Variants in ZNF385B observed in about 807,000 individuals in gnomAD.
The protein encoded by ZNF385B is zinc finger protein 533.
ZNF385B carries 23 observed loss-of-function variants against 39.2 expected under a neutral mutation model. That is an observed-to-expected ratio of 0.59 (90% CI 0.42 to 0.83). The LOEUF is 0.83. Among genes scored for constraint, ZNF385B ranks in the 40% least tolerant of loss-of-function variants. The probability of loss-of-function intolerance (pLI) is 0.00; values close to 1 mark genes in which losing one functional copy is unlikely to be tolerated. For synonymous variants in ZNF385B, 205 were observed against 222.6 expected (o/e 0.92, Z 0.70); for missense variants, 552 against 598.9 (o/e 0.92, Z 0.82).
At chr2:179,856,289 G>A (rs1684588290) in intron 1 of ZNF385B, among the ~76,000 whole-genome samples, 1 of 151,962 alleles carries the variant, frequency 6.6e-6, no homozygotes. Context: ...CACCAGACGG[G>A]GGCATACATC....
At chr2:179,677,978 C>T (rs1200019751) in intron 3 of ZNF385B, among the ~76,000 whole-genome samples, 1 of 152,096 alleles carries the variant, frequency 6.6e-6, no homozygotes, top group African/African-American at 2.4e-5. Flanking sequence ...AGAGACCTTG[C>T]AGAATTAGTC....
At chr2:179,730,849 T>C (rs537339411) in intron 3 of ZNF385B, among the ~76,000 whole-genome samples, 1 of 152,216 alleles carries the variant, frequency 6.6e-6, no homozygotes, top group East Asian at 1.9e-4. Flanking sequence ...AAATCAAAAG[T>C]ATAATTAAAT....
intron 3 of ZNF385B, among the ~76,000 whole-genome samples, chr2:179,696,406 T>A (rs1168927161): frequency 7.6e-6 from 1 of 130,808 alleles, no homozygotes; most frequent in African/African-American, 2.8e-5. Flanking sequence ...CCCAAGTGTC[T>A]GACCAACTAC....
rs559215306 is a variant in ZNF385B at position 179,752,735 on chromosome 2, G to C, written c.298+16768C>G. 2.7e-4 allele frequency among the ~76,000 whole-genome samples: 41 copies of C among 152,216 alleles called. 1 individual carries two copies. The South Asian group carries it at 8.5e-3, about 32-fold the overall frequency. On this transcript the variant is annotated intron_variant, in intron 3 of 9. Transcript: ENST00000410066. Reference sequence around the variant, plus strand: ...TCTGGCTGCATAATTGTCTTCTTTTGAGAAGTGTCTGTTCATATACTTCAC... The same window carrying C: ...TCTGGCTGCATAATTGTCTTCTTTTCAGAAGTGTCTGTTCATATACTTCAC...
intron 3 of ZNF385B, among the ~76,000 whole-genome samples, chr2:179,713,354 G>A (rs1036219558): frequency 6.6e-6 from 1 of 152,098 alleles, no homozygotes; most frequent in Admixed American, 6.6e-5. Flanking sequence ...CTCCAGCCAC[G>A]ATGGTCTTCT....
At chr2:179,777,808 C>T (rs907972587) in intron 1 of ZNF385B, among the ~76,000 whole-genome samples, 3 of 149,424 alleles carry the variant, frequency 2.0e-5, no homozygotes, top group Non-Finnish European at 3.0e-5. Flanking sequence ...ATGCTTGCTC[C>T]GCTGCCCAGG....
intron 3 of ZNF385B, among the ~76,000 whole-genome samples, chr2:179,643,333 T>A (rs1440216832): frequency 1.3e-5 from 2 of 152,138 alleles, no homozygotes; most frequent in Non-Finnish European, 2.9e-5. Flanking sequence ...ATTCTTCAAA[T>A]GATCAATGCA....
At chr2:179,559,186 G>A (rs1263674582) in intron 3 of ZNF385B, among the ~76,000 whole-genome samples, 2 of 152,178 alleles carry the variant, frequency 1.3e-5, no homozygotes, top group East Asian at 1.9e-4. Flanking sequence ...AAAACTGCAT[G>A]AGCAGGAACA....
chr2:179,612,786 G>T (rs1689399346), intron 3 of ZNF385B, among the ~76,000 whole-genome samples: 1 of 152,138 alleles, frequency 6.6e-6, no homozygotes. Context: ...TGGGCTGGCG[G>T]CAAAGCCAGC....
chr2:179,832,038 T>G (rs1327375739), intron 1 of ZNF385B, among the ~76,000 whole-genome samples: 3 of 152,240 alleles, frequency 2.0e-5, no homozygotes, highest in Admixed American at 2.0e-4. Context: ...AACATCCAGC[T>G]GTGGGTCTGA....
At chr2:179,764,821 T>A (rs1004361669) in intron 3 of ZNF385B, among the ~76,000 whole-genome samples, 2 of 152,242 alleles carry the variant, frequency 1.3e-5, no homozygotes, top group Non-Finnish European at 2.9e-5. Flanking sequence ...TCAACTTGAC[T>A]GGGTCACTGG....
intron 1 of ZNF385B, among the ~76,000 whole-genome samples, chr2:179,827,656 A>C (rs1202892559): frequency 2.6e-5 from 4 of 152,236 alleles, no homozygotes; most frequent in Admixed American, 2.6e-4. Context: ...GGTTCCTATC[A>C]TTAACTGCTC....
intron 1 of ZNF385B, among the ~76,000 whole-genome samples, chr2:179,826,311 C>T (rs1707680241): frequency 1.3e-5 from 2 of 152,112 alleles, no homozygotes; most frequent in Admixed American, 1.3e-4. Flanking sequence ...CTCTATAAAG[C>T]CACAAATAAA....
intron 1 of ZNF385B, among the ~76,000 whole-genome samples, chr2:179,823,277 A>G (rs532889810): frequency 6.6e-6 from 1 of 152,308 alleles, no homozygotes; most frequent in East Asian, 1.9e-4. Flanking sequence ...AAGCTGCAGC[A>G]CAAGTTTCAC....
chr2:179,769,446 T>A (rs1393606650), intron 3 of ZNF385B, 57 bp downstream of exon 3: 1 of 1,595,690 alleles, frequency 6.3e-7, no homozygotes, highest in Non-Finnish European at 8.5e-7. Context: ...TCCTTCATTT[T>A]CCAGACCAGG....
intron 6 of ZNF385B, among the ~76,000 whole-genome samples, chr2:179,457,670 T>C (rs896545812): frequency 9.9e-5 from 15 of 152,062 alleles, no homozygotes; most frequent in African/African-American, 3.6e-4. Context: ...TATTGGCCAA[T>C]TGTATATTTT....
chr2:179,634,008 T>G (rs1691488433), intron 3 of ZNF385B, among the ~76,000 whole-genome samples: 1 of 152,140 alleles, frequency 6.6e-6, no homozygotes. Flanking sequence ...TAGCCATATG[T>G]AGAAAGCTGA....
Position 179,537,326 on chromosome 2 carries a change from A to T in ZNF385B, c.441+7501T>A, listed in dbSNP as rs528436108. Among the ~76,000 whole-genome samples, 1,250 of 151,010 alleles carry T rather than the reference A, an allele frequency of 8.3e-3. 19 individuals carry two copies. The highest frequency in any genetic ancestry group is 0.029 in the African/African-American group (1,164 of 40,824). Reference sequence around the variant, plus strand: ...CTCAAAAAAAAAAAAATAAATAAAAAAAAAATAAAAAAGAAAAGAAAAGGA... The same window carrying T: ...CTCAAAAAAAAAAAAATAAATAAAATAAAAATAAAAAAGAAAAGAAAAGGA... On this transcript the variant is annotated intron_variant, in intron 4 of 9. Coordinates refer to ENST00000410066, the MANE Select transcript of ZNF385B (RefSeq NM_152520.6).
intron 3 of ZNF385B, among the ~76,000 whole-genome samples, chr2:179,714,801 A>C (rs2106391410): frequency 6.6e-6 from 1 of 151,978 alleles, no homozygotes; most frequent in East Asian, 1.9e-4. Flanking sequence ...CAAAAAAAAA[A>C]TTAGCCAGAT....
Sources: allele counts gnomAD v4.1 joint callset (sites outside exome capture counted in the v4.1 genomes callset), GRCh38; gene constraint gnomAD v4.1.1; transcripts MANE v1.5; gene names NCBI Gene and HGNC (gene_info 2026-07-23, HGNC 2026-07-21).